L3HYPDH: variants seen among roughly 807,000 people sequenced by gnomAD.
L3HYPDH encodes trans-L-3-hydroxyproline dehydratase, also known as trans-3-hydroxy-L-proline dehydratase.
L3HYPDH carries 32 observed loss-of-function variants against 26.5 expected under a neutral mutation model. The ratio of observed to expected loss-of-function variants is 1.21; its 90% CI spans 0.91 to 1.62. The LOEUF (loss-of-function observed/expected upper bound fraction) is 1.62, where lower values mean the gene tolerates loss of function less well. Among genes scored for constraint, L3HYPDH ranks in the 40% most tolerant of loss-of-function variants. The pLI is 0.00. For missense variants in L3HYPDH, 554 were observed against 476.4 expected (o/e 1.16, Z -1.52); for synonymous variants, 215 against 196.6 (o/e 1.09, Z -0.78).
downstream of L3HYPDH, among the ~76,000 whole-genome samples, chr14:59,470,126 G>A (rs188485496): frequency 2.6e-5 from 4 of 152,262 alleles, no homozygotes; most frequent in African/African-American, 9.6e-5. Flanking sequence ...ACTTGTGAGC[G>A]CTATCCTTTA....
intron 4 of L3HYPDH, chr14:59,475,133 G>C (rs1464960465): frequency 6.6e-6 from 1 of 151,822 alleles, no homozygotes; most frequent in Non-Finnish European, 1.5e-5. Flanking sequence ...ACAAAAATTT[G>C]ATGTTCCACA....
Position 59,475,904 on chromosome 14 carries a change from C to T in L3HYPDH, c.904G>A (p.Ala302Thr). Residue 302 changes from alanine to threonine, a missense_variant, in exon 4 of 5, where the codon GCA (alanine) becomes ACA (threonine). Physicochemically the swap from Ala to Thr is moderately conservative, Grantham distance 58. Coordinates refer to ENST00000247194, the MANE Select transcript of L3HYPDH (RefSeq NM_144581.2). ...TTCCCTGTGAATACTGAGCCAGTTG[C>T]ACTGCTTTTGAAGGCTCTCATCTGG... ...LNQMRAFKSS[A>T]TGSVFTGKAV... is the part of the protein sequence containing the mutation. The T allele has an allele frequency of 6.2e-7, 1 of 1,613,570 alleles. No homozygotes were observed. The highest frequency in any genetic ancestry group is 8.5e-7 in the Non-Finnish European group (1 of 1,179,848).
At chr14:59,490,536 T>A in the L3HYPDH span, among the ~76,000 whole-genome samples, 3 of 152,170 alleles carry the variant, frequency 2.0e-5, no homozygotes, top group Non-Finnish European at 4.4e-5. Context: ...AGATATTTAA[T>A]AGAAGACTGT....
chr14:59,476,757 AAG>A (rs1374982837), intron 2 of L3HYPDH, among the ~76,000 whole-genome samples: 2 of 152,228 alleles, frequency 1.3e-5, no homozygotes, highest in African/African-American at 4.8e-5. Flanking sequence ...GGAGGAAAAA[AAG>A]ATTTATTGTA....
At chr14:59,469,874 G>C (rs74969230), downstream of L3HYPDH, among the ~76,000 whole-genome samples, 2 of 152,112 alleles carry the variant, frequency 1.3e-5, no homozygotes, top group Non-Finnish European at 2.9e-5. Flanking sequence ...CTCTACAAGA[G>C]GGAAAACCAT....
At chr14:59,496,604 C>T in the L3HYPDH span, among the ~76,000 whole-genome samples, 4 of 152,168 alleles carry the variant, frequency 2.6e-5, no homozygotes, top group Non-Finnish European at 4.4e-5. Flanking sequence ...CAACCCTCAT[C>T]TGCACCTGTA....
downstream of L3HYPDH, among the ~76,000 whole-genome samples, chr14:59,472,409 T>C (rs181849885): frequency 1.3e-5 from 2 of 152,342 alleles, no homozygotes; most frequent in Admixed American, 1.3e-4. Flanking sequence ...CCTGTGGATG[T>C]AGAAGCTGGG....
chr14:59,501,887 A>G, the L3HYPDH span, among the ~76,000 whole-genome samples: 1 of 152,142 alleles, frequency 6.6e-6, no homozygotes, highest in Non-Finnish European at 1.5e-5. Context: ...AAAATTGTGT[A>G]TGTCTTTATT....
intron 4 of L3HYPDH, chr14:59,474,479 C>T (rs1889488279): frequency 1.4e-6 from 1 of 698,152 alleles, no homozygotes; most frequent in South Asian, 1.5e-5. Context: ...TCGGCTCCCT[C>T]TCTATTTGGG....
At chr14:59,501,571 A>G in the L3HYPDH span, among the ~76,000 whole-genome samples, 1 of 152,206 alleles carries the variant, frequency 6.6e-6, no homozygotes, top group Non-Finnish European at 1.5e-5. Flanking sequence ...GTTGAAACTT[A>G]TTAACAGTAT....
the L3HYPDH span, among the ~76,000 whole-genome samples, chr14:59,500,476 T>C: frequency 6.6e-6 from 1 of 152,160 alleles, no homozygotes; most frequent in South Asian, 2.1e-4. Context: ...AGGAAAAAAT[T>C]TGCTTAAAGT....
Position 59,475,946 on chromosome 14 carries a change from C to T in L3HYPDH, c.862G>A (p.Gly288Arg), listed in dbSNP as rs769178897. ...TARIALQYHK[G>R]LLELNQMRAF... ...CTCATCTGGTTCAGTTCCAGAAGCCCTTTGTGATACTGTAAGGCAATTCGG... is the reference window on the plus strand; with the variant it reads ...CTCATCTGGTTCAGTTCCAGAAGCCTTTTGTGATACTGTAAGGCAATTCGG... Residue 288 changes from glycine to arginine, a missense_variant, in exon 4 of 5, where the codon GGG becomes AGG. Transcript: ENST00000247194. 7 of 1,613,978 alleles carry T rather than the reference C, an allele frequency of 4.3e-6. No individual in the cohort carries two copies. The South Asian group carries it at 6.6e-5, about 15-fold the overall frequency.
At chr14:59,484,868 C>G, upstream of L3HYPDH, 2 of 1,201,162 alleles carry the variant, frequency 1.7e-6, no homozygotes, top group South Asian at 1.6e-5. Context: ...AGTTTAATGT[C>G]GAGGGAACAC....
upstream of L3HYPDH, among the ~76,000 whole-genome samples, chr14:59,488,731 A>G (rs1890766688): frequency 6.6e-6 from 1 of 152,114 alleles, no homozygotes; most frequent in Non-Finnish European, 1.5e-5. Context: ...ACTTCTCAGG[A>G]TCTTTCCTAC....
At chr14:59,489,601 A>G in the L3HYPDH span, among the ~76,000 whole-genome samples, 1 of 152,184 alleles carries the variant, frequency 6.6e-6, no homozygotes, top group Admixed American at 6.5e-5. Context: ...CCCAGCTCCA[A>G]AGCTGGGTAT....
chr14:59,492,526 A>G, the L3HYPDH span, among the ~76,000 whole-genome samples: 1 of 152,206 alleles, frequency 6.6e-6, no homozygotes, highest in Non-Finnish European at 1.5e-5. Context: ...CAAGAAAGCC[A>G]AACCATGGTA....
chr14:59,503,874 C>A, the L3HYPDH span: 1 of 1,610,954 alleles, frequency 6.2e-7, no homozygotes, highest in African/African-American at 1.3e-5. Flanking sequence ...ATCTTCTGGT[C>A]AGAAAGAAAA....
chr14:59,488,363 A>T (rs1459347609), upstream of L3HYPDH, among the ~76,000 whole-genome samples: 6 of 152,176 alleles, frequency 3.9e-5, no homozygotes, highest in Non-Finnish European at 8.8e-5. Flanking sequence ...CATAATTATA[A>T]ATCAGTCTTA....
At position 59,475,914 on chromosome 14, in the gene L3HYPDH, G is replaced by C; in HGVS notation, c.894C>G (p.Phe298Leu). The C allele has an allele frequency of 6.2e-7, 1 of 1,613,726 alleles. No individual in the cohort carries two copies. Among genetic ancestry groups the C allele is most frequent in the Non-Finnish European group, 8.5e-7 (1 of 1,179,872 alleles). Residue 298 changes from phenylalanine (F) to leucine (L), a missense_variant, in exon 4 of 5, where the codon TTC (phenylalanine) becomes TTG (leucine). By Grantham distance (22) the Phe-to-Leu change is conservative. Transcript: ENST00000247194. ...ATACTGAGCCAGTTGCACTGCTTTTGAAGGCTCTCATCTGGTTCAGTTCCA... is the reference window on the plus strand; with the variant it reads ...ATACTGAGCCAGTTGCACTGCTTTTCAAGGCTCTCATCTGGTTCAGTTCCA... ...GLLELNQMRA[F>L]KSSATGSVFT...
Sources: gnomAD v4.1 joint callset for allele counts (sites outside exome capture counted in the v4.1 genomes callset) on GRCh38, gnomAD v4.1.1 for gene constraint, MANE v1.5 for transcripts, NCBI Gene and HGNC (gene_info 2026-07-23, HGNC 2026-07-21) for gene names.